CDH12: variants seen among roughly 807,000 people sequenced by gnomAD.
CDH12 encodes cadherin-12.
Under a neutral mutation model 74.1 loss-of-function variants are expected in CDH12, and 41 were observed. The observed-to-expected ratio is 0.55, with a 90% CI of 0.43 to 0.72. The LOEUF is 0.72. CDH12 is among the 30% of genes least tolerant of loss of function. The pLI is 0.00. For missense variants in CDH12, 945 were observed against 977.2 expected (o/e 0.97, Z 0.44); for synonymous variants, 399 against 355.0 (o/e 1.12, Z -1.39).
At chr5:22,237,911 T>G (rs1210113825) in intron 3 of CDH12, among the ~76,000 whole-genome samples, 1 of 152,318 alleles carries the variant, frequency 6.6e-6, no homozygotes, top group East Asian at 1.9e-4. Context: ...ATTGTTCTTC[T>G]TAATTCTTGT....
intron 6 of CDH12, among the ~76,000 whole-genome samples, chr5:21,970,536 A>G (rs922683846): frequency 6.6e-6 from 1 of 152,086 alleles, no homozygotes; most frequent in Non-Finnish European, 1.5e-5. Flanking sequence ...AAATATGGCC[A>G]CGAAACAAGT....
intron 1 of CDH12, among the ~76,000 whole-genome samples, chr5:22,812,513 A>G (rs772451970): frequency 1.6e-4 from 24 of 152,180 alleles, no homozygotes; most frequent in Non-Finnish European, 3.4e-4. Flanking sequence ...GAGGCCCTAC[A>G]TAAGTTTACA....
intron 1 of CDH12, among the ~76,000 whole-genome samples, chr5:22,571,458 C>T (rs990495233): frequency 6.6e-6 from 1 of 152,136 alleles, no homozygotes; most frequent in African/African-American, 2.4e-5. Flanking sequence ...TCCTGAATAG[C>T]TGGGATTACA....
chr5:22,595,670 T>C (rs900850266), intron 1 of CDH12, among the ~76,000 whole-genome samples: 3 of 152,194 alleles, frequency 2.0e-5, no homozygotes, highest in African/African-American at 7.2e-5. Flanking sequence ...TGGTTGGTTG[T>C]AGTTATTGTA....
chr5:22,641,864 T>C (rs1382600007), intron 1 of CDH12, among the ~76,000 whole-genome samples: 2 of 152,214 alleles, frequency 1.3e-5, no homozygotes, highest in Non-Finnish European at 2.9e-5. Flanking sequence ...TCTTGAATAA[T>C]GCCTAATAAT....
At chr5:22,161,641 A>G (rs1314307163) in intron 4 of CDH12, among the ~76,000 whole-genome samples, 4 of 151,926 alleles carry the variant, frequency 2.6e-5, no homozygotes, top group Admixed American at 6.6e-5. Context: ...GCAGCGAGCT[A>G]TAATTGTGCC....
At chr5:22,251,192 G>C (rs1171534782) in intron 3 of CDH12, among the ~76,000 whole-genome samples, 1 of 152,150 alleles carries the variant, frequency 6.6e-6, no homozygotes, top group African/African-American at 2.4e-5. Context: ...AATGGATTCA[G>C]TTGAGAGTTC....
intron 1 of CDH12, among the ~76,000 whole-genome samples, chr5:22,849,522 T>C (rs535510985): frequency 1.3e-5 from 2 of 152,302 alleles, no homozygotes; most frequent in African/African-American, 4.8e-5. Context: ...AATGTTTGAC[T>C]ATGTATTTGG....
chr5:22,067,091 T>C (rs1409988549), intron 5 of CDH12, among the ~76,000 whole-genome samples: 1 of 152,208 alleles, frequency 6.6e-6, no homozygotes, highest in Non-Finnish European at 1.5e-5. Flanking sequence ...TATTAACTCT[T>C]TAGTCCTATG....
At chr5:21,876,251 T>C (rs1751934405) in intron 6 of CDH12, among the ~76,000 whole-genome samples, 1 of 152,174 alleles carries the variant, frequency 6.6e-6, no homozygotes, top group Admixed American at 6.5e-5. Flanking sequence ...TCTCTTTTTA[T>C]GGTTTCTTCA....
rs374601928 is a variant in CDH12, at chr5:22,734,589, A to G, written c.-523+118469T>C. On this transcript the variant is annotated intron_variant, in intron 1 of 14. Transcript: ENST00000382254. ...TTTAAAGACTTATTTTTGAAACTCT[A>G]CAGCATACTTTATACCCAACTTCTT... Among the ~76,000 whole-genome samples, 6 of 152,046 alleles carry G rather than the reference A, an allele frequency of 3.9e-5. No homozygotes were observed. In the South Asian group the frequency reaches 1.2e-3, roughly 32 times the overall value.
At chr5:22,398,212 G>A (rs746054635) in intron 3 of CDH12, among the ~76,000 whole-genome samples, 2 of 152,060 alleles carry the variant, frequency 1.3e-5, no homozygotes, top group Non-Finnish European at 2.9e-5. Context: ...GCCAACCACT[G>A]CTATACCTCA....
At chr5:22,318,366 T>C (rs1738718661) in intron 3 of CDH12, among the ~76,000 whole-genome samples, 1 of 152,196 alleles carries the variant, frequency 6.6e-6, no homozygotes, top group African/African-American at 2.4e-5. Flanking sequence ...GATTAGCATG[T>C]TACCTTGATG....
At chr5:22,599,587 A>T (rs1736757654) in intron 1 of CDH12, among the ~76,000 whole-genome samples, 1 of 152,178 alleles carries the variant, frequency 6.6e-6, no homozygotes, top group African/African-American at 2.4e-5. Flanking sequence ...GTAAAAAAAA[A>T]AACTACTTCT....
At chr5:21,787,316 C>T (rs1379974993) in intron 10 of CDH12, among the ~76,000 whole-genome samples, 1 of 152,132 alleles carries the variant, frequency 6.6e-6, no homozygotes, top group Non-Finnish European at 1.5e-5. Context: ...ACCACCACCC[C>T]AATTAGTCAG....
chr5:21,767,526 T>C (rs1745095754), intron 11 of CDH12, among the ~76,000 whole-genome samples: 1 of 151,634 alleles, frequency 6.6e-6, no homozygotes, highest in African/African-American at 2.4e-5. Context: ...TATGACAATG[T>C]TTTGTTGTGT....
chr5:22,157,062 C>T (rs1225028901), intron 4 of CDH12, among the ~76,000 whole-genome samples: 4 of 151,786 alleles, frequency 2.6e-5, no homozygotes, highest in Non-Finnish European at 5.9e-5. Context: ...GCATCTACAT[C>T]ACAAACTTGT....
rs901069547 is a variant in CDH12 at position 22,606,098 on chromosome 5, C to G, written c.-522-100734G>C. Among the ~76,000 whole-genome samples, 3 of 152,272 alleles carry G rather than the reference C, an allele frequency of 2.0e-5. No individual in the cohort carries two copies. In the East Asian group the frequency reaches 5.8e-4, roughly 30 times the overall value. On this transcript the variant is annotated intron_variant, in intron 1 of 14. Transcript: ENST00000382254. ...GTGGCCTCAAAGTTGAGGAAGGAAC[C>G]CCACCACTGGCCCCAAGCCATCAGC...
chr5:21,901,331 T>G (rs917231036), intron 6 of CDH12, among the ~76,000 whole-genome samples: 2 of 152,214 alleles, frequency 1.3e-5, no homozygotes, highest in Non-Finnish European at 2.9e-5. Flanking sequence ...CTGATAATTA[T>G]GTTCAATTAT....
Sources: allele counts gnomAD v4.1 joint callset (sites outside exome capture counted in the v4.1 genomes callset), GRCh38; gene constraint gnomAD v4.1.1; transcripts MANE v1.5; gene names NCBI Gene and HGNC (gene_info 2026-07-23, HGNC 2026-07-21).